Variants in XKR9 observed in about 807,000 individuals in gnomAD.
XKR9 encodes the protein XK-related protein 9.
In XKR9, 32 loss-of-function variants were observed where a neutral mutation model predicts 32.0. That is an observed-to-expected ratio of 1.00 (90% CI 0.76 to 1.34). The LOEUF (loss-of-function observed/expected upper bound fraction) is 1.34. Ranked by LOEUF, XKR9 falls within the 40% of genes most tolerant of loss-of-function variation. The pLI, the probability that XKR9 is intolerant of heterozygous loss-of-function variation, is 0.00. For missense variants in XKR9, 546 were observed against 429.7 expected (o/e 1.27, Z -2.39); for synonymous variants, 168 against 143.4 (o/e 1.17, Z -1.22).
the XKR9 span, among the ~76,000 whole-genome samples, chr8:70,951,804 T>C: frequency 6.6e-6 from 1 of 151,902 alleles, no homozygotes; most frequent in Non-Finnish European, 1.5e-5. Flanking sequence ...GTGCAAGCTG[T>C]CTCTGAGGGA....
chr8:70,757,798 G>A (rs562894978), intron 2 of XKR9, among the ~76,000 whole-genome samples: 1 of 152,076 alleles, frequency 6.6e-6, no homozygotes, highest in Non-Finnish European at 1.5e-5. Context: ...TGTTGGTCAG[G>A]CTGGTCTCGA....
the XKR9 span, among the ~76,000 whole-genome samples, chr8:70,894,734 C>G: frequency 6.6e-6 from 1 of 151,996 alleles, no homozygotes; most frequent in Non-Finnish European, 1.5e-5. Context: ...CTCTGTGTGG[C>G]TAAGGTGGTT....
intron 2 of XKR9, among the ~76,000 whole-genome samples, chr8:70,773,236 C>A (rs1807476826): frequency 6.6e-6 from 1 of 152,054 alleles, no homozygotes; most frequent in Non-Finnish European, 1.5e-5. Flanking sequence ...GGTTGCCCAA[C>A]CAAAACAGGA....
chr8:70,684,441 T>C (rs1451515063), intron 3 of XKR9, among the ~76,000 whole-genome samples: 1 of 152,202 alleles, frequency 6.6e-6, no homozygotes, highest in Non-Finnish European at 1.5e-5. Context: ...TTCATTTCAC[T>C]TGTACTAAGT....
At chr8:70,911,493 T>C in the XKR9 span, among the ~76,000 whole-genome samples, 2 of 152,218 alleles carry the variant, frequency 1.3e-5, no homozygotes, top group African/African-American at 4.8e-5. Context: ...GTGCTGAAGA[T>C]AAAATAATGG....
chr8:70,813,599 AAAAC>A, the XKR9 span, among the ~76,000 whole-genome samples: 28 of 152,312 alleles, frequency 1.8e-4, no homozygotes, highest in African/African-American at 5.5e-4. Context: ...TTACAAGAAA[AAAAC>A]AAACAACCCC....
chr8:70,929,673 G>A, the XKR9 span, among the ~76,000 whole-genome samples: 1 of 152,142 alleles, frequency 6.6e-6, no homozygotes, highest in Non-Finnish European at 1.5e-5. Flanking sequence ...GCATCTAGAG[G>A]CTAGTCTCTA....
chr8:71,006,379 T>C, the XKR9 span, among the ~76,000 whole-genome samples: 2 of 152,216 alleles, frequency 1.3e-5, no homozygotes, highest in Non-Finnish European at 2.9e-5. Context: ...TAGTATATTT[T>C]ATGTGTGGCC....
the XKR9 span, among the ~76,000 whole-genome samples, chr8:70,871,842 G>A: frequency 1.3e-5 from 2 of 152,250 alleles, no homozygotes; most frequent in Non-Finnish European, 2.9e-5. Context: ...TTGAAAGCTA[G>A]ACTTCTTGTG....
chr8:70,853,388 G>A, the XKR9 span, among the ~76,000 whole-genome samples: 1 of 151,900 alleles, frequency 6.6e-6, no homozygotes, highest in South Asian at 2.1e-4. Flanking sequence ...TGTCTGGTAT[G>A]TGTGTACCAA....
the XKR9 span, among the ~76,000 whole-genome samples, chr8:70,909,555 C>T: frequency 4.6e-5 from 7 of 151,716 alleles, no homozygotes; most frequent in African/African-American, 1.5e-4. Flanking sequence ...AAACCCAGTT[C>T]GCCCAGGAGG....
chr8:70,978,382 C>G, the XKR9 span, among the ~76,000 whole-genome samples: 1 of 152,074 alleles, frequency 6.6e-6, no homozygotes, highest in Non-Finnish European at 1.5e-5. Flanking sequence ...CTAGTTTTTC[C>G]TTTCCGTGTT....
At chr8:70,701,167 G>A (rs1193535822) in intron 3 of XKR9, among the ~76,000 whole-genome samples, 7 of 152,140 alleles carry the variant, frequency 4.6e-5, no homozygotes, top group South Asian at 2.1e-4. Context: ...GCCCTGCTTC[G>A]GCTCGTGCAC....
chr8:71,046,418 T>C, the XKR9 span, among the ~76,000 whole-genome samples: 1 of 152,228 alleles, frequency 6.6e-6, no homozygotes, highest in African/African-American at 2.4e-5. Flanking sequence ...TGTGTGGCCA[T>C]GTCATTTGTC....
the XKR9 span, among the ~76,000 whole-genome samples, chr8:70,843,480 C>T: frequency 6.6e-6 from 1 of 152,176 alleles, no homozygotes; most frequent in African/African-American, 2.4e-5. Context: ...AGGAATACAA[C>T]ACTTGCCTCC....
chr8:70,939,521 T>C, the XKR9 span, among the ~76,000 whole-genome samples: 296 of 152,150 alleles, frequency 1.9e-3, 3 homozygotes, highest in East Asian at 0.016. Flanking sequence ...GTCTTTGGAG[T>C]TTAGAAAATC....
At chr8:70,906,973 A>T in the XKR9 span, among the ~76,000 whole-genome samples, 1 of 152,152 alleles carries the variant, frequency 6.6e-6, no homozygotes, top group African/African-American at 2.4e-5. Flanking sequence ...CACTACCAAG[A>T]TATAATTCCA....
the XKR9 span, among the ~76,000 whole-genome samples, chr8:70,941,402 C>T: frequency 6.6e-6 from 1 of 152,086 alleles, no homozygotes; most frequent in African/African-American, 2.4e-5. Context: ...TCAAGTCAAA[C>T]AAACCTAAAG....
chr8:70,695,398 A>G (rs1433963293), intron 3 of XKR9, among the ~76,000 whole-genome samples: 2 of 136,752 alleles, frequency 1.5e-5, no homozygotes, highest in African/African-American at 2.7e-5. Context: ...TCACTGTTCA[A>G]TTCCCACCTA....
Sources: allele counts gnomAD v4.1 joint callset (sites outside exome capture counted in the v4.1 genomes callset), GRCh38; gene constraint gnomAD v4.1.1; transcripts MANE v1.5; gene names NCBI Gene and HGNC (gene_info 2026-07-23, HGNC 2026-07-21).